The following AMOTL1 variants were observed in gnomAD, a reference collection of about 807,000 sequenced individuals.
AMOTL1 encodes the protein angiomotin like 1.
AMOTL1 carries 45 observed loss-of-function variants against 102.9 expected under a neutral mutation model. The observed-to-expected ratio is 0.44, with a 90% CI of 0.34 to 0.56. The LOEUF (loss-of-function observed/expected upper bound fraction) is 0.56, where lower values mean the gene tolerates loss of function less well. Among genes scored for constraint, AMOTL1 ranks in the 20% least tolerant of loss-of-function variants. The pLI, the probability that AMOTL1 is intolerant of heterozygous loss-of-function variation, is 0.01. For missense variants in AMOTL1, 1,114 were observed against 1,225.6 expected (o/e 0.91, Z 1.36); for synonymous variants, 481 against 484.7 (o/e 0.99, Z 0.10).
At chr11:94,751,611 T>C (rs1395462266) in intron 3 of AMOTL1, among the ~76,000 whole-genome samples, 2 of 151,910 alleles carry the variant, frequency 1.3e-5, no homozygotes, top group Non-Finnish European at 2.9e-5. Context: ...GTGAGTTTTA[T>C]TTCAGGGTAT....
rs572160102 is a variant in AMOTL1 at position 94,779,927 on chromosome 11, G to A, written c.49+11367G>A. On this transcript the variant is annotated intron_variant, in intron 1 of 12. Transcript: ENST00000433060. The stretch of plus-strand genomic sequence containing the variant: ...ACTCACCGTTTTGAGGATGAAAATA[G>A]GCTTTAAATTGCCATGTATGTTATG... 3.7e-4 allele frequency among the ~76,000 whole-genome samples: 57 copies of A among 152,242 alleles called. 1 individual carries two copies. In the Middle Eastern group the frequency reaches 0.01, roughly 27 times the overall value.
rs922170613 is a variant in AMOTL1, at chr11:94,876,185, A to G, written c.*5390A>G. 6.6e-6 allele frequency: 1 copy of G among 152,666 alleles called. No individual in the cohort carries two copies. Among genetic ancestry groups the G allele is most frequent in the African/African-American group, 2.4e-5 (1 of 41,454 alleles). The allele number at this position is 152,666 out of a possible 1,614,324, so 9.5% of individuals were successfully genotyped here. On this transcript the variant is annotated 3_prime_UTR_variant, in exon 13 of 13. Coordinates refer to ENST00000433060, the MANE Select transcript of AMOTL1 (RefSeq NM_130847.3). ...ATTTATTACAAAACGGAATGTAAGC[A>G]AATATATCCACATTGGTTTTATTTG...
At chr11:94,771,837 A>C (rs1950957856) in intron 1 of AMOTL1, among the ~76,000 whole-genome samples, 3 of 152,198 alleles carry the variant, frequency 2.0e-5, no homozygotes, top group Admixed American at 6.5e-5. Flanking sequence ...CTTTTAGGAG[A>C]GAGTAGGAGA....
chr11:94,808,655 A>G (rs574415320), intron 3 of AMOTL1, among the ~76,000 whole-genome samples: 15 of 152,278 alleles, frequency 9.9e-5, no homozygotes, highest in Non-Finnish European at 1.6e-4. Flanking sequence ...GAAATCTGGA[A>G]CTGGCTCTCC....
At chr11:94,839,783 G>A (rs548843811) in intron 6 of AMOTL1, among the ~76,000 whole-genome samples, 125 of 152,268 alleles carry the variant, frequency 8.2e-4, no homozygotes, top group African/African-American at 2.9e-3. Flanking sequence ...AGGATTTCAT[G>A]TTTTTACACT....
intron 2 of AMOTL1, among the ~76,000 whole-genome samples, chr11:94,796,119 G>T (rs989265736): frequency 1.3e-5 from 2 of 152,082 alleles, no homozygotes; most frequent in African/African-American, 4.8e-5. Context: ...AAATTTTTTT[G>T]CTGTTGAACT....
At chr11:94,768,914 G>T (rs1437582702) in intron 1 of AMOTL1, among the ~76,000 whole-genome samples, 1 of 152,004 alleles carries the variant, frequency 6.6e-6, no homozygotes, top group Non-Finnish European at 1.5e-5. Context: ...CCGCGCGCGG[G>T]TCTCGCGGCG....
intron 1 of AMOTL1, among the ~76,000 whole-genome samples, chr11:94,791,821 T>G (rs1951290167): frequency 6.6e-6 from 1 of 152,374 alleles, no homozygotes; most frequent in Admixed American, 6.5e-5. Flanking sequence ...ATCCTTGACC[T>G]TGTCGCTTAG....
intron 9 of AMOTL1, among the ~76,000 whole-genome samples, chr11:94,863,157 T>C (rs929944823): frequency 6.6e-6 from 1 of 151,948 alleles, no homozygotes; most frequent in Non-Finnish European, 1.5e-5. Context: ...GCACAAGTTG[T>C]GAGAACTAAA....
Position 94,866,406 on chromosome 11 carries a change from CTATT to C in AMOTL1, c.2488+239_2488+242del, listed in dbSNP as rs1392690744. 9.2e-6 allele frequency: 5 copies of C among 541,574 alleles called. No homozygotes were observed. In the East Asian group the frequency reaches 1.3e-4, roughly 14 times the overall value. The allele number at this position is 541,574 out of a possible 1,614,324, so 33.5% of individuals were successfully genotyped here. On this transcript the variant is annotated intron_variant, in intron 11 of 12. Coordinates refer to ENST00000433060, the MANE Select transcript of AMOTL1 (RefSeq NM_130847.3). The stretch of plus-strand genomic sequence containing the variant: ...ATGGGTTGACTCAGATCAGAATTAT[CTATT>C]ATTGTTGTAAGTTGAGGTGACCCTT...
In AMOTL1 at chr11:94,796,483, G is replaced by A. The variant is rs1017591714; in HGVS notation, c.199+1323G>A. The stretch of plus-strand genomic sequence containing the variant: ...GTTTGAATCTGGCAGAGGAAGACAG[G>A]TCATAATGCAATATGGATTGAAAGG... On this transcript the variant is annotated intron_variant, in intron 2 of 12. Transcript: ENST00000433060. Among the ~76,000 whole-genome samples, 5 of 152,260 alleles carry A rather than the reference G, an allele frequency of 3.3e-5. 1 individual carries two copies. The highest frequency in any genetic ancestry group is 1.2e-4 in the African/African-American group (5 of 41,542).
At chr11:94,718,252 CTT>C (rs1950124305) in intron 1 of AMOTL1, among the ~76,000 whole-genome samples, 1 of 151,884 alleles carries the variant, frequency 6.6e-6, no homozygotes, top group Admixed American at 6.6e-5. Context: ...AATTTCCTGA[CTT>C]ATCAGTTCTT....
chr11:94,813,302 A>T (rs1951713611), intron 3 of AMOTL1, among the ~76,000 whole-genome samples: 1 of 152,192 alleles, frequency 6.6e-6, no homozygotes, highest in Admixed American at 6.5e-5. Flanking sequence ...CTAACAGAAT[A>T]ATTAGCCTCA....
At chr11:94,773,102 T>G (rs901694023) in intron 1 of AMOTL1, among the ~76,000 whole-genome samples, 5 of 152,246 alleles carry the variant, frequency 3.3e-5, no homozygotes, top group Non-Finnish European at 7.3e-5. Flanking sequence ...TCTTTATATA[T>G]TCTAGATGCA....
At chr11:94,729,832 A>G (rs1950317917) in intron 2 of AMOTL1, among the ~76,000 whole-genome samples, 1 of 152,204 alleles carries the variant, frequency 6.6e-6, no homozygotes, top group Admixed American at 6.5e-5. Context: ...ATTTTATGCC[A>G]AGCACTAGTA....
intron 3 of AMOTL1, among the ~76,000 whole-genome samples, chr11:94,816,841 C>A (rs1951775152): frequency 6.6e-6 from 1 of 152,086 alleles, no homozygotes; most frequent in African/African-American, 2.4e-5. Context: ...TTAAAACTAT[C>A]CAACTCCTCA....
chr11:94,757,062 T>C (rs1045433752), intron 3 of AMOTL1, among the ~76,000 whole-genome samples: 5 of 138,652 alleles, frequency 3.6e-5, no homozygotes, highest in African/African-American at 1.4e-4. Context: ...GGTGGGGGGA[T>C]GGGGAGCTCA....
intron 12 of AMOTL1, 57 bp downstream of exon 12, chr11:94,869,530 G>A: frequency 6.7e-7 from 1 of 1,502,870 alleles, no homozygotes; most frequent in Non-Finnish European, 8.9e-7. Context: ...TCTGGCCTAA[G>A]AGAATCTTTT....
intron 2 of AMOTL1, among the ~76,000 whole-genome samples, chr11:94,735,719 A>G (rs1591911405): frequency 6.6e-6 from 1 of 152,208 alleles, no homozygotes; most frequent in African/African-American, 2.4e-5. Flanking sequence ...AATTCCTACT[A>G]GGACACATAA....
Sources: allele counts gnomAD v4.1 joint callset (sites outside exome capture counted in the v4.1 genomes callset), GRCh38; gene constraint gnomAD v4.1.1; transcripts MANE v1.5; gene names NCBI Gene and HGNC (gene_info 2026-07-23, HGNC 2026-07-21).